Variants in CPQ observed in about 807,000 individuals in gnomAD.
The protein encoded by CPQ is Ser-Met dipeptidase.
Under a neutral mutation model 45.7 loss-of-function variants are expected in CPQ, and 37 were observed. That is an observed-to-expected ratio of 0.81 (90% CI 0.62 to 1.07). The LOEUF is 1.07. Ranked by LOEUF, CPQ falls within the 50% of genes least tolerant of loss-of-function variation. The pLI is 0.00. For missense variants in CPQ, 537 were observed against 572.9 expected, an observed-to-expected ratio of 0.94 and a Z score of 0.64; for synonymous variants, 186 against 205.8, an observed-to-expected ratio of 0.90 and a Z score of 0.82.
At chr8:97,061,809 C>CTGTT (rs995108888) in intron 6 of CPQ, among the ~76,000 whole-genome samples, 2 of 152,140 alleles carry the variant, frequency 1.3e-5, no homozygotes, top group African/African-American at 4.8e-5. Flanking sequence ...AGTAATGCTA[C>CTGTT]TGTTTACCAA....
intron 5 of CPQ, among the ~76,000 whole-genome samples, chr8:97,020,097 T>C (rs959805356): frequency 1.3e-5 from 2 of 152,036 alleles, no homozygotes; most frequent in African/African-American, 4.8e-5. Context: ...GGCAAATACA[T>C]GGAAATTAAA....
intron 5 of CPQ, among the ~76,000 whole-genome samples, chr8:96,991,286 T>G (rs958062265): frequency 6.6e-6 from 1 of 152,130 alleles, no homozygotes; most frequent in African/African-American, 2.4e-5. Context: ...CCAGTCATGG[T>G]GGCTCACACC....
At chr8:97,098,482 C>G (rs991344617) in intron 7 of CPQ, among the ~76,000 whole-genome samples, 1 of 152,154 alleles carries the variant, frequency 6.6e-6, no homozygotes, top group Non-Finnish European at 1.5e-5. Context: ...CCTGCTGGTC[C>G]TTACAGGAAT....
intron 2 of CPQ, among the ~76,000 whole-genome samples, chr8:96,810,070 C>G (rs1283975193): frequency 6.6e-6 from 1 of 152,118 alleles, no homozygotes; most frequent in Non-Finnish European, 1.5e-5. Flanking sequence ...CATTTCCTCC[C>G]TCACTCATTT....
At chr8:96,821,704 T>A (rs768531441) in intron 2 of CPQ, among the ~76,000 whole-genome samples, 14 of 152,096 alleles carry the variant, frequency 9.2e-5, no homozygotes, top group Non-Finnish European at 1.9e-4. Context: ...CAGACACTGT[T>A]CTTTCATTGA....
intron 1 of CPQ, among the ~76,000 whole-genome samples, chr8:96,679,468 A>G (rs1295353408): frequency 6.6e-6 from 1 of 152,100 alleles, no homozygotes; most frequent in African/African-American, 2.4e-5. Context: ...CCTCTTCTCC[A>G]ATTTTTTTGA....
chr8:96,894,114 T>G (rs1383207011), intron 4 of CPQ, among the ~76,000 whole-genome samples: 1 of 152,206 alleles, frequency 6.6e-6, no homozygotes, highest in Non-Finnish European at 1.5e-5. Flanking sequence ...TGACTTCTTC[T>G]GCTATTAACC....
At chr8:97,127,505 T>C (rs1369497687) in intron 7 of CPQ, among the ~76,000 whole-genome samples, 1 of 151,980 alleles carries the variant, frequency 6.6e-6, no homozygotes, top group African/African-American at 2.4e-5. Context: ...CTGGCCAACA[T>C]GGTGAAACCC....
intron 4 of CPQ, among the ~76,000 whole-genome samples, chr8:96,949,549 G>A (rs767307686): frequency 3.3e-5 from 5 of 152,048 alleles, no homozygotes; most frequent in East Asian, 3.9e-4. Flanking sequence ...GTTATCAAGC[G>A]AGCAGGTGGT....
intron 2 of CPQ, among the ~76,000 whole-genome samples, chr8:96,822,388 T>G (rs1215649860): frequency 6.6e-6 from 1 of 152,042 alleles, no homozygotes; most frequent in African/African-American, 2.4e-5. Flanking sequence ...CTCTTTGACA[T>G]ACTGATTTCA....
chr8:96,747,586 T>C (rs542198868), intron 1 of CPQ, among the ~76,000 whole-genome samples: 78 of 152,300 alleles, frequency 5.1e-4, no homozygotes, highest in South Asian at 1.7e-3. Flanking sequence ...CAGAGATGTG[T>C]AGTGTAAAGA....
At chr8:96,676,989 T>G (rs559603360) in intron 1 of CPQ, among the ~76,000 whole-genome samples, 25 of 152,064 alleles carry the variant, frequency 1.6e-4, no homozygotes, top group Non-Finnish European at 3.4e-4. Context: ...TCTAACTTGC[T>G]GCAAAGACCT....
intron 4 of CPQ, among the ~76,000 whole-genome samples, chr8:96,936,977 C>A (rs922618035): frequency 7.2e-5 from 11 of 152,062 alleles, no homozygotes; most frequent in Admixed American, 5.2e-4. Context: ...TTCCTTCCTT[C>A]CTCCCTCTCT....
chr8:96,779,785 T>C (rs1374389579), intron 1 of CPQ, among the ~76,000 whole-genome samples: 2 of 152,198 alleles, frequency 1.3e-5, no homozygotes, highest in Non-Finnish European at 2.9e-5. Context: ...TGGAAAAATG[T>C]ACTTTCAAGA....
At position 96,900,424 on chromosome 8, in the gene CPQ, A is replaced by G. The variant is rs114506222; in HGVS notation, c.849+20419A>G. Among the ~76,000 whole-genome samples, 575 of 152,268 alleles carry G rather than the reference A, an allele frequency of 3.8e-3. 3 individuals are homozygous for G. Among genetic ancestry groups the G allele is most frequent in the African/African-American group, 0.012 (518 of 41,554 alleles). ...GTTGCCCTGTGTTAGACATGGGTAAACTTAGAGTGTTCCATTTGCTGTAGA... is the reference window on the plus strand; with the variant it reads ...GTTGCCCTGTGTTAGACATGGGTAAGCTTAGAGTGTTCCATTTGCTGTAGA... On this transcript the variant is annotated intron_variant, in intron 4 of 7. Transcript: ENST00000220763.
At chr8:96,843,218 TA>T (rs1222997206) in intron 3 of CPQ, among the ~76,000 whole-genome samples, 1 of 152,140 alleles carries the variant, frequency 6.6e-6, no homozygotes, top group Non-Finnish European at 1.5e-5. Context: ...TTGTGGGGTT[TA>T]AAAGCAGTAA....
rs567386095 is a variant in CPQ, at chr8:97,039,733, G to T, written c.1053+10239G>T. 1.4e-4 allele frequency among the ~76,000 whole-genome samples: 22 copies of T among 151,956 alleles called. No individual in the cohort carries two copies. In the East Asian group the frequency reaches 4.1e-3, roughly 28 times the overall value. The stretch of plus-strand genomic sequence containing the variant: ...CCACCTATGAGTAAGAACATGTGGT[G>T]TTTGGTTTTTTGTCCTTGCGATAGT... On this transcript the variant is annotated intron_variant, in intron 6 of 7. Transcript: ENST00000220763.
intron 4 of CPQ, among the ~76,000 whole-genome samples, chr8:96,959,702 G>A (rs192614218): frequency 1.1e-3 from 173 of 150,704 alleles, no homozygotes; most frequent in Middle Eastern, 3.4e-3. Flanking sequence ...CTCCTTTTTT[G>A]GTACATCATA....
At chr8:97,013,881 A>C (rs1189683687) in intron 5 of CPQ, among the ~76,000 whole-genome samples, 3 of 152,254 alleles carry the variant, frequency 2.0e-5, no homozygotes, top group African/African-American at 7.2e-5. Flanking sequence ...TATTCTTTAT[A>C]TAGAAAAAGA....
Sources: allele counts gnomAD v4.1 joint callset (sites outside exome capture counted in the v4.1 genomes callset), GRCh38; gene constraint gnomAD v4.1.1; transcripts MANE v1.5; gene names NCBI Gene and HGNC (gene_info 2026-07-23, HGNC 2026-07-21).